Variants in TASP1 observed in about 807,000 individuals in gnomAD.
TASP1 encodes threonine aspartase 1.
Under a neutral mutation model 56.6 loss-of-function variants are expected in TASP1, and 16 were observed. The observed-to-expected ratio is 0.28, with a 90% confidence interval of 0.19 to 0.43. TASP1 has a LOEUF of 0.43. Among genes scored for constraint, TASP1 ranks in the 20% least tolerant of loss-of-function variants. TASP1 has a pLI of 1.00. For synonymous variants in TASP1, 179 were observed against 184.2 expected (o/e 0.97, Z 0.23); for missense variants, 393 against 511.6 (o/e 0.77, Z 2.24).
At chr20:13,206,868 G>A in the TASP1 span, among the ~76,000 whole-genome samples, 1 of 152,158 alleles carries the variant, frequency 6.6e-6, no homozygotes, top group Non-Finnish European at 1.5e-5. Context: ...GTTGGTGAAT[G>A]CACACATAGA....
chr20:13,204,714 C>T, the TASP1 span, among the ~76,000 whole-genome samples: 2 of 152,004 alleles, frequency 1.3e-5, no homozygotes, highest in Non-Finnish European at 2.9e-5. Flanking sequence ...ATATTTTCTT[C>T]CCATTTGAAC....
intron 13 of TASP1, among the ~76,000 whole-genome samples, chr20:13,402,737 C>T (rs1451320736): frequency 1.3e-5 from 2 of 152,184 alleles, no homozygotes; most frequent in Non-Finnish European, 2.9e-5. Flanking sequence ...TCCAATAAAT[C>T]TATTTAGCTG....
At chr20:13,126,667 A>G in the TASP1 span, 1 of 1,614,108 alleles carries the variant, frequency 6.2e-7, no homozygotes, top group East Asian at 2.2e-5. Flanking sequence ...ATAGCAGAGC[A>G]AATCATCAGA....
At chr20:13,490,469 T>G (rs1307920894) in intron 10 of TASP1, among the ~76,000 whole-genome samples, 2 of 152,158 alleles carry the variant, frequency 1.3e-5, no homozygotes, top group African/African-American at 4.8e-5. Flanking sequence ...AAAGTATCTT[T>G]ATTTTCCTGT....
chr20:13,186,649 C>T, the TASP1 span, among the ~76,000 whole-genome samples: 1 of 152,176 alleles, frequency 6.6e-6, no homozygotes, highest in African/African-American at 2.4e-5. Flanking sequence ...TTACAGCTGA[C>T]AGAGTCTTTC....
Position 13,587,265 on chromosome 20 carries a change from C to A in TASP1, c.388G>T (p.Val130Phe), listed in dbSNP as rs760178190. The A allele has an allele frequency of 6.2e-7, 1 of 1,612,388 alleles. No homozygotes were observed. Among genetic ancestry groups the A allele is most frequent in the South Asian group, 1.1e-5 (1 of 90,714 alleles). ...GCCCACATACCACTCAGTGCTCCAA[C>A]TGCTCCAAAATTTAAGGATTTTCCA... Reference protein sequence around the residue: ...MDGKSLNFGAVGALSGIKNPV... With the variant: ...MDGKSLNFGAFGALSGIKNPV... The change falls in exon 5 of 14, where the codon GTT becomes TTT. Residue 130 changes from valine (V) to phenylalanine (F), a missense_variant. Physicochemically the swap from Val to Phe is conservative, Grantham distance 50 (BLOSUM62 -1). Transcript: ENST00000337743.
intron 4 of TASP1, among the ~76,000 whole-genome samples, chr20:13,612,793 C>T (rs865812490): frequency 1.8e-4 from 28 of 152,016 alleles, no homozygotes; most frequent in Admixed American, 2.0e-4. Context: ...ACAGGGTTTA[C>T]GGAAGAAAAA....
the TASP1 span, among the ~76,000 whole-genome samples, chr20:13,307,823 A>G: frequency 6.6e-6 from 1 of 152,236 alleles, no homozygotes; most frequent in African/African-American, 2.4e-5. Context: ...TTTATTTAAC[A>G]GTTCTACCAT....
chr20:13,128,855 C>A, the TASP1 span, among the ~76,000 whole-genome samples: 13 of 149,398 alleles, frequency 8.7e-5, no homozygotes, highest in Admixed American at 8.8e-4. Context: ...CAGGCATGCA[C>A]CACCATGCCC....
chr20:13,393,168 G>T (rs2041359776), intron 13 of TASP1: 2 of 680,482 alleles, frequency 2.9e-6, no homozygotes, highest in Admixed American at 3.6e-5. Context: ...AGCCATCTAT[G>T]ACAACTTTGG....
chr20:13,409,066 T>C (rs1012848210), intron 13 of TASP1, among the ~76,000 whole-genome samples: 25 of 152,236 alleles, frequency 1.6e-4, no homozygotes, highest in Non-Finnish European at 3.5e-4. Context: ...AACTTTCTTT[T>C]CTACCATAAG....
intron 12 of TASP1, among the ~76,000 whole-genome samples, chr20:13,424,076 C>G (rs943624112): frequency 3.3e-5 from 5 of 152,234 alleles, no homozygotes; most frequent in Admixed American, 3.3e-4. Flanking sequence ...TCAAAACAAA[C>G]AGAACAAAAC....
chr20:13,238,624 T>C, the TASP1 span, among the ~76,000 whole-genome samples: 492 of 152,170 alleles, frequency 3.2e-3, 2 homozygotes, highest in African/African-American at 0.011. Flanking sequence ...TATCAGAAAA[T>C]GAAGAATGTT....
chr20:13,608,420 T>C (rs2048235769), intron 4 of TASP1, among the ~76,000 whole-genome samples: 1 of 152,242 alleles, frequency 6.6e-6, no homozygotes, highest in Non-Finnish European at 1.5e-5. Context: ...CAAATATTTA[T>C]TGGACACCAT....
chr20:13,284,870 G>A, the TASP1 span, among the ~76,000 whole-genome samples: 2,283 of 152,302 alleles, frequency 0.015, 29 homozygotes, highest in Non-Finnish European at 0.022. Context: ...ATAAAGATGT[G>A]GAGAAAGCCA....
chr20:13,124,796 T>C, the TASP1 span, among the ~76,000 whole-genome samples: 1 of 152,056 alleles, frequency 6.6e-6, no homozygotes, highest in Non-Finnish European at 1.5e-5. Context: ...GATGGAAAAG[T>C]GATGGGCAGG....
At chr20:13,151,258 T>G in the TASP1 span, among the ~76,000 whole-genome samples, 1 of 152,216 alleles carries the variant, frequency 6.6e-6, no homozygotes, top group Admixed American at 6.5e-5. Flanking sequence ...CTCTAAATTT[T>G]TCACATCCAC....
chr20:13,464,516 C>T (rs1325824036), intron 11 of TASP1, among the ~76,000 whole-genome samples: 2 of 152,102 alleles, frequency 1.3e-5, no homozygotes, highest in South Asian at 2.1e-4. Context: ...TGTCCATTGA[C>T]AGATGAATGG....
the TASP1 span, among the ~76,000 whole-genome samples, chr20:13,214,758 A>G: frequency 3.9e-5 from 6 of 152,184 alleles, no homozygotes; most frequent in Non-Finnish European, 8.8e-5. Context: ...GCCTGGAGAC[A>G]ATGGTGAGAA....
Sources: allele counts gnomAD v4.1 joint callset (sites outside exome capture counted in the v4.1 genomes callset), GRCh38; gene constraint gnomAD v4.1.1; transcripts MANE v1.5; gene names NCBI Gene and HGNC (gene_info 2026-07-23, HGNC 2026-07-21).